LCP1: variants seen among roughly 807,000 people sequenced by gnomAD.
LCP1 encodes lymphocyte cytosolic protein 1.
Under a neutral mutation model 72.0 loss-of-function variants are expected in LCP1, and 23 were observed. The observed-to-expected ratio is 0.32, with a 90% CI of 0.23 to 0.45. The LOEUF (loss-of-function observed/expected upper bound fraction) is 0.45, where lower values mean the gene tolerates loss of function less well. Among genes scored for constraint, LCP1 ranks in the 20% least tolerant of loss-of-function variants. LCP1 has a pLI of 1.00. For missense variants in LCP1, 571 were observed against 748.3 expected (o/e 0.76, Z 2.76); for synonymous variants, 245 against 275.4 (o/e 0.89, Z 1.09).
At chr13:46,158,501 C>A (rs752444570) in intron 4 of LCP1, 21 bp downstream of exon 4, 1 of 1,610,016 alleles carries the variant, frequency 6.2e-7, no homozygotes, top group South Asian at 1.1e-5. Flanking sequence ...AATCCTGCTC[C>A]AACCCAGGAG....
In LCP1 at chr13:46,148,582, A is replaced by ATTAATT. The variant is rs1566438520; in HGVS notation, c.883-136_883-135insAATTAA. 2.8e-5 allele frequency: 18 copies of ATTAATT among 647,730 alleles called. No individual in the cohort carries two copies. The African/African-American group carries it at 3.1e-4, about 11-fold the overall frequency. The allele number at this position is 647,730 out of a possible 1,614,324, so 40.1% of individuals were successfully genotyped here. On this transcript the variant is annotated intron_variant, in intron 8 of 15. Transcript: ENST00000323076. Reference sequence around the variant, plus strand: ...CCAGAATGTAACTTAACAAAGCTAGAAACATTCACTAATTTGAATGTTCTA... The same window carrying ATTAATT: ...CCAGAATGTAACTTAACAAAGCTAGATTAATTAACATTCACTAATTTGAATGTTCTA...
At chr13:46,143,708 A>G (rs1240828414) in intron 11 of LCP1, among the ~76,000 whole-genome samples, 1 of 152,238 alleles carries the variant, frequency 6.6e-6, no homozygotes, top group Non-Finnish European at 1.5e-5. Flanking sequence ...ATTAACCTAT[A>G]TAACAAACCT....
intron 6 of LCP1, 162 bp from the exon 7 acceptor site, chr13:46,153,107 A>G (rs929942829): frequency 1.5e-6 from 1 of 655,488 alleles, no homozygotes; most frequent in Non-Finnish European, 2.5e-6. Flanking sequence ...ACTCATAACC[A>G]GAAGAGAAAA....
intron 1 of LCP1, among the ~76,000 whole-genome samples, chr13:46,171,186 GTAT>G (rs987066783): frequency 6.6e-6 from 1 of 152,170 alleles, no homozygotes; most frequent in African/African-American, 2.4e-5. Context: ...ATCCTATAGG[GTAT>G]TACTATGATT....
At chr13:46,141,373 T>TCCAGTCTG (rs2045696675) in intron 13 of LCP1, among the ~76,000 whole-genome samples, 2 of 119,336 alleles carry the variant, frequency 1.7e-5, no homozygotes, top group African/African-American at 6.7e-5. Context: ...ACTACTGCAC[T>TCCAGTCTG]CCAGTCTGGG....
At position 46,126,509 on chromosome 13, in the gene LCP1, C is replaced by A. The variant is rs1025608189; in HGVS notation, c.*1082G>T. The A allele has an allele frequency of 1.3e-5, 3 of 231,928 alleles. No homozygotes were observed. Among genetic ancestry groups the A allele is most frequent in the Non-Finnish European group, 2.6e-5 (3 of 117,084 alleles). The allele number at this position is 231,928 out of a possible 1,614,324, so 14.4% of individuals were successfully genotyped here. ...GGTGCTATTGATTGGCACATATTGT[C>A]CCCCCTGGAGTTTAGGGGTGGCAGA... On this transcript the variant is annotated 3_prime_UTR_variant, in exon 16 of 16. Transcript: ENST00000323076.
At chr13:46,160,308 A>G (rs1472144931) in intron 1 of LCP1, among the ~76,000 whole-genome samples, 1 of 152,198 alleles carries the variant, frequency 6.6e-6, no homozygotes, top group Non-Finnish European at 1.5e-5. Flanking sequence ...TGCTCAGTCA[A>G]CCAAAAGAAC....
chr13:46,143,182 G>T, intron 12 of LCP1, 108 bp downstream of exon 12: 1 of 676,562 alleles, frequency 1.5e-6, no homozygotes, highest in East Asian at 2.7e-5. Context: ...TTTAATTTCT[G>T]GAAAAACATT....
chr13:46,170,411 C>CAAGA (rs2045899214), intron 1 of LCP1, among the ~76,000 whole-genome samples: 1 of 152,194 alleles, frequency 6.6e-6, no homozygotes, highest in African/African-American at 2.4e-5. Flanking sequence ...GGCTGGGCTT[C>CAAGA]TTGGCACTGT....
intron 11 of LCP1, among the ~76,000 whole-genome samples, chr13:46,143,773 AAG>A (rs2045712513): frequency 6.6e-6 from 1 of 152,250 alleles, no homozygotes; most frequent in Non-Finnish European, 1.5e-5. Flanking sequence ...ATAAATGTAA[AAG>A]AAATATTTAG....
intron 13 of LCP1, 43 bp from the exon 14 acceptor site, chr13:46,134,293 G>T (rs973929416): frequency 1.3e-6 from 2 of 1,583,592 alleles, no homozygotes; most frequent in East Asian, 2.3e-5. Context: ...AGTTGCTAAA[G>T]AATTTAATAT....
chr13:46,143,263 T>C, intron 12 of LCP1, 27 bp downstream of exon 12: 1 of 1,532,828 alleles, frequency 6.5e-7, no homozygotes, highest in Non-Finnish European at 9.0e-7. Flanking sequence ...GCCTGTCTCC[T>C]GGAACAACAG....
At chr13:46,127,987 CT>C (rs11301577) in intron 15 of LCP1, among the ~76,000 whole-genome samples, 43,303 of 147,312 alleles carry the variant, frequency 0.29, 6,467 homozygotes, top group South Asian at 0.44. Context: ...CAGCTCCTGC[CT>C]TTTTTTTAAG....
At chr13:46,139,776 A>G (rs1042266604) in intron 13 of LCP1, among the ~76,000 whole-genome samples, 1 of 152,048 alleles carries the variant, frequency 6.6e-6, no homozygotes, top group Non-Finnish European at 1.5e-5. Flanking sequence ...TCTTTTTATA[A>G]CCTATTTTTG....
chr13:46,135,638 T>C (rs913024857), intron 13 of LCP1, among the ~76,000 whole-genome samples: 18 of 152,190 alleles, frequency 1.2e-4, no homozygotes, highest in Admixed American at 7.2e-4. Flanking sequence ...GACAGTGATG[T>C]CCTATCAATT....
At chr13:46,170,537 CAG>C (rs1316888120) in intron 1 of LCP1, among the ~76,000 whole-genome samples, 3 of 152,284 alleles carry the variant, frequency 2.0e-5, no homozygotes, top group Non-Finnish European at 2.9e-5. Flanking sequence ...ACCTTGGAGA[CAG>C]AGCAGTGACT....
intron 1 of LCP1, among the ~76,000 whole-genome samples, chr13:46,179,773 G>A (rs2045947749): frequency 6.6e-6 from 1 of 152,078 alleles, no homozygotes; most frequent in Admixed American, 6.6e-5. Context: ...GGGGTAGTGG[G>A]AGGTTGAACA....
Position 46,158,626 on chromosome 13 carries a change from T to G in LCP1, c.254A>C (p.Asp85Ala). 6.2e-7 allele frequency: 1 copy of G among 1,614,194 alleles called. No individual in the cohort carries two copies. The highest frequency in any genetic ancestry group is 1.1e-5 in the South Asian group (1 of 91,082). Residue 85 changes from aspartate (D) to alanine (A), a missense_variant, in exon 4 of 16, where the codon GAT (aspartate) becomes GCT (alanine). Physicochemically the swap from Asp to Ala is moderately radical, Grantham distance 126. Transcript: ENST00000323076. ...IKIFHGLKST[D>A]VAKTFRKAIN... The stretch of plus-strand genomic sequence containing the variant: ...TGCTTTTCTAAAGGTCTTGGCAACA[T>G]CTGTGCTTTTTAGGCCATGGAAAAT...
chr13:46,135,125 A>G (rs61169765), intron 13 of LCP1, among the ~76,000 whole-genome samples: 33,695 of 118,160 alleles, frequency 0.29, 4,462 homozygotes, highest in South Asian at 0.37. Flanking sequence ...AAAAAAAAAG[A>G]AAAAAAAAAA....
Sources: allele counts gnomAD v4.1 joint callset (sites outside exome capture counted in the v4.1 genomes callset), GRCh38; gene constraint gnomAD v4.1.1; transcripts MANE v1.5; gene names NCBI Gene and HGNC (gene_info 2026-07-23, HGNC 2026-07-21).